The following COMMD10 variants were observed in gnomAD, a reference collection of about 807,000 sequenced individuals.
COMMD10 encodes the protein COMM domain containing 10.
In COMMD10, 33 loss-of-function variants were observed where a neutral mutation model predicts 28.9. The observed-to-expected ratio is 1.14, with a 90% CI of 0.87 to 1.53. The LOEUF is 1.53. COMMD10 is among the 40% of genes most tolerant of loss of function. The probability of loss-of-function intolerance (pLI) is 0.00; values close to 1 mark genes in which losing one functional copy is unlikely to be tolerated. For missense variants in COMMD10, 310 were observed against 233.4 expected, an observed-to-expected ratio of 1.33 and a Z score of -2.14; for synonymous variants, 110 against 81.7, an observed-to-expected ratio of 1.35 and a Z score of -1.87.
rs893804857 is a variant in COMMD10 at position 116,273,935 on chromosome 5, C to G, written c.511-17582C>G. 3.3e-5 allele frequency among the ~76,000 whole-genome samples: 5 copies of G among 151,684 alleles called. 1 individual carries two copies. The highest frequency in any genetic ancestry group is 1.2e-4 in the African/African-American group (5 of 41,168). ...CTTTTTTTAAAGTATCTTAAAATTG[C>G]ATTTATTTTCTCTTAGAGAACTTTA... On this transcript the variant is annotated intron_variant, in intron 5 of 6. Coordinates refer to ENST00000274458, the MANE Select transcript of COMMD10 (RefSeq NM_016144.4).
In COMMD10 at chr5:116,256,352, C is replaced by T. The variant is rs575644205; in HGVS notation, c.511-35165C>T. On this transcript the variant is annotated intron_variant, in intron 5 of 6. Transcript: ENST00000274458. ...ATATTATTTTTCTGTGTCTGACAGT[C>T]GGTAGCTTTGACATGATTATAGTGA... Among the ~76,000 whole-genome samples, 4 of 151,768 alleles carry T rather than the reference C, an allele frequency of 2.6e-5. No individual in the cohort carries two copies. In the South Asian group the frequency reaches 6.2e-4, roughly 24 times the overall value.
Position 116,157,010 on chromosome 5 carries a change from G to A in COMMD10, c.510+22832G>A, listed in dbSNP as rs141168911. Among the ~76,000 whole-genome samples the A allele has an allele frequency of 1.9e-3, 288 of 152,132 alleles. 3 individuals are homozygous for A. The highest frequency in any genetic ancestry group is 6.6e-3 in the African/African-American group (272 of 41,506). On this transcript the variant is annotated intron_variant, in intron 5 of 6. Transcript: ENST00000274458. ...TCAGTTTTCTGCCTAGAGATCTCAG[G>A]CAAATCCAAATGTTTATTAAGTAAA...
chr5:116,106,101 T>A (rs895355675), intron 4 of COMMD10, among the ~76,000 whole-genome samples: 9 of 148,124 alleles, frequency 6.1e-5, no homozygotes, highest in Admixed American at 6.6e-5. Flanking sequence ...TTGTTTTATT[T>A]TTTTTTTTGT....
intron 5 of COMMD10, among the ~76,000 whole-genome samples, chr5:116,234,615 C>G (rs1749614124): frequency 6.6e-6 from 1 of 152,076 alleles, no homozygotes; most frequent in African/African-American, 2.4e-5. Flanking sequence ...ATGGAGAAAC[C>G]ATTGAAGTGT....
intron 5 of COMMD10, among the ~76,000 whole-genome samples, chr5:116,267,445 AAG>A (rs1488609872): frequency 6.6e-6 from 1 of 151,848 alleles, no homozygotes; most frequent in Non-Finnish European, 1.5e-5. Flanking sequence ...AACGAAATAA[AAG>A]AGGACACAAA....
chr5:116,244,868 T>C (rs895642839), intron 5 of COMMD10, among the ~76,000 whole-genome samples: 3 of 151,702 alleles, frequency 2.0e-5, no homozygotes, highest in Non-Finnish European at 2.9e-5. Flanking sequence ...AATGCCCATA[T>C]CACAAGTTAG....
At chr5:116,119,285 G>A (rs929911521) in intron 4 of COMMD10, among the ~76,000 whole-genome samples, 6 of 152,166 alleles carry the variant, frequency 3.9e-5, no homozygotes, top group African/African-American at 1.4e-4. Context: ...CTAAACTTGA[G>A]GGTATTGGTT....
At chr5:116,246,849 T>C (rs1198401012) in intron 5 of COMMD10, among the ~76,000 whole-genome samples, 1 of 151,424 alleles carries the variant, frequency 6.6e-6, no homozygotes, top group Non-Finnish European at 1.5e-5. Flanking sequence ...AAGACTGTAA[T>C]GTAAAGCACA....
chr5:116,150,462 C>A (rs1387665876), intron 5 of COMMD10, among the ~76,000 whole-genome samples: 2 of 151,996 alleles, frequency 1.3e-5, no homozygotes, highest in Non-Finnish European at 2.9e-5. Flanking sequence ...TGGCTATTTT[C>A]ATGATATTGA....
chr5:116,217,216 A>G (rs987263898), intron 5 of COMMD10, among the ~76,000 whole-genome samples: 2 of 151,544 alleles, frequency 1.3e-5, no homozygotes, highest in African/African-American at 2.4e-5. Flanking sequence ...TCCAAGCCAA[A>G]CTGTATCCAG....
Position 116,159,630 on chromosome 5 carries a change from G to T in COMMD10, c.510+25452G>T, listed in dbSNP as rs114165957. 6.7e-3 allele frequency among the ~76,000 whole-genome samples: 1,025 copies of T among 152,302 alleles called. 6 individuals are homozygous for T. Among genetic ancestry groups the T allele is most frequent in the Non-Finnish European group, 9.1e-3 (620 of 68,022 alleles). ...AAATGTGTTAAGCCCCTAAAGTGGTGCCCCAAACACTAGATGCTTGTACAT... is the reference window on the plus strand; with the variant it reads ...AAATGTGTTAAGCCCCTAAAGTGGTTCCCCAAACACTAGATGCTTGTACAT... On this transcript the variant is annotated intron_variant, in intron 5 of 6. Coordinates refer to ENST00000274458, the MANE Select transcript of COMMD10 (RefSeq NM_016144.4).
intron 5 of COMMD10, among the ~76,000 whole-genome samples, chr5:116,182,302 CAG>C (rs1399389613): frequency 7.3e-6 from 1 of 137,344 alleles, no homozygotes; most frequent in African/African-American, 3.3e-5. Context: ...GGATGGAAGG[CAG>C]GGAGGGAGGT....
At chr5:116,097,076 T>TTTTTAAA (rs1189508493) in intron 4 of COMMD10, among the ~76,000 whole-genome samples, 2 of 152,172 alleles carry the variant, frequency 1.3e-5, no homozygotes, top group Non-Finnish European at 2.9e-5. Flanking sequence ...GATGAAAGTT[T>TTTTTAAA]GTTTTTTTAA....
intron 5 of COMMD10, among the ~76,000 whole-genome samples, chr5:116,134,810 A>G (rs1032018459): frequency 6.6e-6 from 1 of 151,912 alleles, no homozygotes; most frequent in African/African-American, 2.4e-5. Flanking sequence ...TTTAGTAGAG[A>G]TGGGGTTTCA....
chr5:116,240,149 G>A (rs1749774968), intron 5 of COMMD10, among the ~76,000 whole-genome samples: 1 of 151,972 alleles, frequency 6.6e-6, no homozygotes, highest in Admixed American at 6.6e-5. Flanking sequence ...AAAGACAGAA[G>A]AAAAGTGAAT....
chr5:116,261,687 G>T (rs1184947651), intron 5 of COMMD10, among the ~76,000 whole-genome samples: 2 of 151,442 alleles, frequency 1.3e-5, no homozygotes, highest in Non-Finnish European at 2.9e-5. Flanking sequence ...CAGATTTCTG[G>T]CTTCCTCATT....
intron 5 of COMMD10, among the ~76,000 whole-genome samples, chr5:116,234,224 A>G (rs1421672853): frequency 6.6e-6 from 1 of 152,180 alleles, no homozygotes; most frequent in African/African-American, 2.4e-5. Flanking sequence ...TCAGAGTAAT[A>G]CAATGAAATT....
intron 5 of COMMD10, among the ~76,000 whole-genome samples, chr5:116,159,715 G>C (rs1752855508): frequency 6.6e-6 from 1 of 152,144 alleles, no homozygotes. Flanking sequence ...GCATGGGGTT[G>C]ATATTGTCTA....
At chr5:116,195,558 A>G (rs560014982) in intron 5 of COMMD10, among the ~76,000 whole-genome samples, 1 of 152,290 alleles carries the variant, frequency 6.6e-6, no homozygotes, top group South Asian at 2.1e-4. Context: ...CCCTTTTACA[A>G]TAGCAAAAAA....
Sources: allele counts gnomAD v4.1 joint callset (sites outside exome capture counted in the v4.1 genomes callset), GRCh38; gene constraint gnomAD v4.1.1; transcripts MANE v1.5; gene names NCBI Gene and HGNC (gene_info 2026-07-23, HGNC 2026-07-21).